Variants in HCN1 observed in about 807,000 individuals in gnomAD.
The protein encoded by HCN1 is hyperpolarization activated cyclic nucleotide gated potassium channel 1.
Under a neutral mutation model 78.9 loss-of-function variants are expected in HCN1, and 13 were observed. The observed-to-expected ratio is 0.16, with a 90% confidence interval of 0.11 to 0.26. The LOEUF is 0.26. Among genes scored for constraint, HCN1 ranks in the 10% least tolerant of loss-of-function variants. The pLI, the probability that HCN1 is intolerant of heterozygous loss-of-function variation, is 1.00. For synonymous variants in HCN1, 552 were observed against 455.5 expected (o/e 1.21, Z -2.70); for missense variants, 810 against 1,154.3 (o/e 0.70, Z 4.32).
chr5:45,263,433 T>C (rs908822645), intron 7 of HCN1, among the ~76,000 whole-genome samples: 2 of 152,142 alleles, frequency 1.3e-5, no homozygotes, highest in Admixed American at 6.5e-5. Context: ...ATCCTTGCTA[T>C]GGAAAATGAA....
chr5:45,262,071 G>A lies in HCN1; in HGVS notation c.2523C>T (p.Leu841=), dbSNP rs1476127582. ...TGGCTCCCGACGACATCTGTCGGAAGAGGGTGACGCGCTGCGGGACAGTGC... is the reference window on the plus strand; with the variant it reads ...TGGCTCCCGACGACATCTGTCGGAAAAGGGTGACGCGCTGCGGGACAGTGC... ...GRSTVPQRVT[L]FRQMSSGAIP... Residue 841 remains leucine, a synonymous_variant, in exon 8 of 8, where the codon CTC becomes CTT. Coordinates refer to ENST00000303230, the MANE Select transcript of HCN1 (RefSeq NM_021072.4). 6.2e-7 allele frequency: 1 copy of A among 1,613,852 alleles called. No individual in the cohort carries two copies. The highest frequency in any genetic ancestry group is 2.2e-5 in the East Asian group (1 of 44,852).
At position 45,476,849 on chromosome 5, in the gene HCN1, C is replaced by A. The variant is rs541811091; in HGVS notation, c.850-14842G>T. ...TACTTAATGCAAACTTTGTTTCATGCACAAAATTAATTAATATATTGCATA... is the reference window on the plus strand; with the variant it reads ...TACTTAATGCAAACTTTGTTTCATGAACAAAATTAATTAATATATTGCATA... On this transcript the variant is annotated intron_variant, in intron 2 of 7. Transcript: ENST00000303230. 2.0e-5 allele frequency among the ~76,000 whole-genome samples: 3 copies of A among 152,126 alleles called. No homozygotes were observed. In the South Asian group the frequency reaches 6.2e-4, roughly 32 times the overall value.
rs200866112 is a variant in HCN1, at chr5:45,677,989, TACACACAC to T, written c.425+17672_425+17679del. On this transcript the variant is annotated intron_variant, in intron 1 of 7. Coordinates refer to ENST00000303230, the MANE Select transcript of HCN1 (RefSeq NM_021072.4). ...AAGATTAAACACATACACACACACA[TACACACAC>T]ACACACACACACACACATACACACA... is the stretch of plus-strand genomic sequence containing the variant. 3.8e-4 allele frequency among the ~76,000 whole-genome samples: 36 copies of T among 94,170 alleles called. No homozygotes were observed. The South Asian group carries it at 8.0e-3, about 21-fold the overall frequency. The allele number at this position is 94,170 out of a possible 152,430, so 61.8% of individuals were successfully genotyped here.
chr5:45,693,325 G>T (rs1739949846), intron 1 of HCN1, among the ~76,000 whole-genome samples: 2 of 151,656 alleles, frequency 1.3e-5, no homozygotes, highest in African/African-American at 4.9e-5. Flanking sequence ...TTTGCAGTTT[G>T]TTTTAGAACA....
chr5:45,623,589 C>T (rs759897143), intron 2 of HCN1, among the ~76,000 whole-genome samples: 62 of 152,120 alleles, frequency 4.1e-4, no homozygotes, highest in Non-Finnish European at 6.8e-4. Context: ...AACATCTCCT[C>T]GTGTTTGAAG....
chr5:45,530,191 G>A (rs1304782890), intron 2 of HCN1, among the ~76,000 whole-genome samples: 1 of 151,854 alleles, frequency 6.6e-6, no homozygotes, highest in Admixed American at 6.6e-5. Flanking sequence ...TTTTTTCAGA[G>A]CAGTGAGGCA....
chr5:45,381,737 C>T (rs1328274304), intron 4 of HCN1, among the ~76,000 whole-genome samples: 8 of 152,136 alleles, frequency 5.3e-5, no homozygotes, highest in Non-Finnish European at 1.5e-5. Context: ...CAAGCCATCT[C>T]TCAAGCCCAG....
At chr5:45,454,815 A>C (rs1740991480) in intron 3 of HCN1, among the ~76,000 whole-genome samples, 1 of 152,142 alleles carries the variant, frequency 6.6e-6, no homozygotes, top group Non-Finnish European at 1.5e-5. Flanking sequence ...CCGGGTTTCT[A>C]TATTCTAATT....
intron 1 of HCN1, among the ~76,000 whole-genome samples, chr5:45,658,369 A>G (rs914504699): frequency 2.6e-5 from 4 of 152,260 alleles, no homozygotes; most frequent in Admixed American, 1.3e-4. Flanking sequence ...AATGGTAATG[A>G]AAGTCAGAAT....
intron 1 of HCN1, among the ~76,000 whole-genome samples, chr5:45,694,424 G>A (rs1004561669): frequency 6.6e-6 from 1 of 152,186 alleles, no homozygotes; most frequent in African/African-American, 2.4e-5. Context: ...TGTGTGGCGG[G>A]ACTGTGGATT....
At chr5:45,624,373 A>C (rs950155082) in intron 2 of HCN1, among the ~76,000 whole-genome samples, 1 of 152,192 alleles carries the variant, frequency 6.6e-6, no homozygotes, top group Non-Finnish European at 1.5e-5. Context: ...TTTATTTTGA[A>C]AATAGAGCCA....
chr5:45,553,190 C>T (rs532860396), intron 2 of HCN1, among the ~76,000 whole-genome samples: 6 of 151,902 alleles, frequency 3.9e-5, no homozygotes, highest in African/African-American at 1.4e-4. Flanking sequence ...ATCACAGGAA[C>T]GGTGACTGGG....
chr5:45,297,139 A>G (rs1433958151), intron 6 of HCN1, among the ~76,000 whole-genome samples: 1 of 152,092 alleles, frequency 6.6e-6, no homozygotes, highest in East Asian at 1.9e-4. Context: ...GTTTCTATAG[A>G]TATTAAATTA....
intron 6 of HCN1, among the ~76,000 whole-genome samples, chr5:45,287,916 C>A (rs1745300689): frequency 1.3e-5 from 2 of 152,096 alleles, no homozygotes; most frequent in Non-Finnish European, 2.9e-5. Context: ...TGCCTAACAT[C>A]ATGGCACAGA....
chr5:45,386,315 A>G lies in HCN1; in HGVS notation c.1230+10177T>C, dbSNP rs142267636. 6.6e-4 allele frequency among the ~76,000 whole-genome samples: 100 copies of G among 151,828 alleles called. 1 individual carries two copies. The East Asian group carries it at 0.011, about 17-fold the overall frequency. On this transcript the variant is annotated intron_variant, in intron 4 of 7. Coordinates refer to ENST00000303230, the MANE Select transcript of HCN1 (RefSeq NM_021072.4). ...CTCAGACTCCTGAGTAGCTGGGAGTATAGGTGCGAGCCATCATGTTCATCT... is the reference window on the plus strand; with the variant it reads ...CTCAGACTCCTGAGTAGCTGGGAGTGTAGGTGCGAGCCATCATGTTCATCT...
chr5:45,496,461 A>G lies in HCN1; in HGVS notation c.850-34454T>C, dbSNP rs140626355. Reference sequence around the variant, plus strand: ...AGGAATGGTAGCAGTTCCTCCTTGTACCACTGGTAGAAGTTGGCTGTGAAT... The same window carrying G: ...AGGAATGGTAGCAGTTCCTCCTTGTGCCACTGGTAGAAGTTGGCTGTGAAT... On this transcript the variant is annotated intron_variant, in intron 2 of 7. Coordinates refer to ENST00000303230, the MANE Select transcript of HCN1 (RefSeq NM_021072.4). 2.9e-3 allele frequency among the ~76,000 whole-genome samples: 447 copies of G among 152,112 alleles called. 5 individuals are homozygous for G. Among genetic ancestry groups the G allele is most frequent in the African/African-American group, 0.01 (419 of 41,486 alleles).
chr5:45,406,632 T>G (rs1739930151), intron 3 of HCN1, among the ~76,000 whole-genome samples: 1 of 152,164 alleles, frequency 6.6e-6, no homozygotes, highest in South Asian at 2.1e-4. Flanking sequence ...ATGAGTAAAA[T>G]TCATGATAAT....
At chr5:45,621,995 C>T (rs896393467) in intron 2 of HCN1, among the ~76,000 whole-genome samples, 1 of 151,920 alleles carries the variant, frequency 6.6e-6, no homozygotes, top group Non-Finnish European at 1.5e-5. Flanking sequence ...CTGAGGCAGG[C>T]AGATCACGAG....
At chr5:45,644,230 T>G in intron 2 of HCN1, 1 of 152,186 alleles carries the variant, frequency 6.6e-6, no homozygotes. Flanking sequence ...ATAGCCAGTA[T>G]ATGACTTTAT....
Sources: allele counts gnomAD v4.1 joint callset (sites outside exome capture counted in the v4.1 genomes callset), GRCh38; gene constraint gnomAD v4.1.1; transcripts MANE v1.5; gene names NCBI Gene and HGNC (gene_info 2026-07-23, HGNC 2026-07-21).